The following BICC1 variants were observed in gnomAD, a reference collection of about 807,000 sequenced individuals.
The protein encoded by BICC1 is BicC family RNA binding protein 1.
A neutral mutation model predicts 111.0 loss-of-function variants in BICC1; 43 were observed. The ratio of observed to expected loss-of-function variants is 0.39; its 90% CI spans 0.30 to 0.50. The LOEUF (loss-of-function observed/expected upper bound fraction) is 0.50, where lower values mean the gene tolerates loss of function less well. Among genes scored for constraint, BICC1 ranks in the 20% least tolerant of loss-of-function variants. The probability of loss-of-function intolerance (pLI) is 0.88; values close to 1 mark genes in which losing one functional copy is unlikely to be tolerated. For missense variants in BICC1, 1,091 were observed against 1,203.2 expected (o/e 0.91, Z 1.38); for synonymous variants, 467 against 434.4 (o/e 1.07, Z -0.93).
Position 58,828,762 on chromosome 10 carries a change from A to C in BICC1, c.2796A>C (p.Glu932Asp). 1 of 1,613,384 alleles carries C rather than the reference A, an allele frequency of 6.2e-7. No homozygotes were observed. Among genetic ancestry groups the C allele is most frequent in the Non-Finnish European group, 8.5e-7 (1 of 1,179,566 alleles). Residue 932 changes from glutamate (E) to aspartate (D), a missense_variant and splice_region_variant, in exon 21 of 21, where the codon GAA becomes GAC. Physicochemically the swap from Glu to Asp is conservative, Grantham distance 45 (BLOSUM62 2). Transcript: ENST00000373886. Reference sequence around the variant, plus strand: ...ACAATTCTCTCTTTCTCTCTCTAGAACTAAATAAAAACCGAAGAAAGCTTT... The same window carrying C: ...ACAATTCTCTCTTTCTCTCTCTAGACCTAAATAAAAACCGAAGAAAGCTTT... ...ARRKMLLAISELNKNRRKLFE... is the reference protein window; with the variant it reads ...ARRKMLLAISDLNKNRRKLFE...
In BICC1 at chr10:58,741,112, G is replaced by A. The variant is rs374712638; in HGVS notation, c.307+38969G>A. Among the ~76,000 whole-genome samples the A allele has an allele frequency of 1.3e-4, 20 of 152,296 alleles. No homozygotes were observed. In the East Asian group the frequency reaches 3.7e-3, roughly 28 times the overall value. On this transcript the variant is annotated intron_variant, in intron 3 of 20. Coordinates refer to ENST00000373886, the MANE Select transcript of BICC1 (RefSeq NM_001080512.3). The stretch of plus-strand genomic sequence containing the variant: ...ATTTGTTCTTTACATAGAAGGCAGT[G>A]CTCACATTTGTATTTTAGATTTCTG...
chr10:58,789,557 G>C (rs576961494), intron 7 of BICC1, 101 bp downstream of exon 7: 4 of 1,508,752 alleles, frequency 2.7e-6, no homozygotes, highest in East Asian at 2.3e-5. Context: ...ATTTTCCTTC[G>C]TTCTACATTT....
At chr10:58,732,997 C>G (rs1031932167) in intron 3 of BICC1, among the ~76,000 whole-genome samples, 3 of 143,496 alleles carry the variant, frequency 2.1e-5, no homozygotes, top group Admixed American at 7.3e-5. Context: ...GCTTGATGCA[C>G]GATTTCCACA....
chr10:58,687,619 C>G (rs1352432534), intron 2 of BICC1, among the ~76,000 whole-genome samples: 4 of 152,222 alleles, frequency 2.6e-5, no homozygotes, highest in Non-Finnish European at 5.9e-5. Flanking sequence ...CGAGCTCAGA[C>G]TGCTGTGCTG....
intron 3 of BICC1, among the ~76,000 whole-genome samples, chr10:58,729,938 C>G (rs190065473): frequency 6.6e-6 from 1 of 152,122 alleles, no homozygotes; most frequent in South Asian, 2.1e-4. Flanking sequence ...AGATTTAAAC[C>G]ATATCTTTCT....
chr10:58,743,218 G>A (rs762347288), intron 3 of BICC1, among the ~76,000 whole-genome samples: 19 of 152,170 alleles, frequency 1.2e-4, no homozygotes, highest in Non-Finnish European at 2.1e-4. Context: ...ATATTTGGAC[G>A]TTGGCTTAAA....
At chr10:58,730,940 C>A (rs1046736598) in intron 3 of BICC1, among the ~76,000 whole-genome samples, 1 of 152,242 alleles carries the variant, frequency 6.6e-6, no homozygotes, top group East Asian at 1.9e-4. Flanking sequence ...TGCTTGAATT[C>A]CTCCTTTGAA....
intron 1 of BICC1, among the ~76,000 whole-genome samples, chr10:58,604,476 T>C (rs1020262366): frequency 1.3e-5 from 2 of 152,084 alleles, no homozygotes; most frequent in Admixed American, 6.5e-5. Context: ...AAGACCATCC[T>C]GATCCAACCC....
intron 20 of BICC1, among the ~76,000 whole-genome samples, chr10:58,824,768 T>A (rs914284641): frequency 6.6e-6 from 1 of 152,154 alleles, no homozygotes; most frequent in Admixed American, 6.6e-5. Context: ...AGTTACATAA[T>A]CCCTCTAATC....
chr10:58,643,671 A>G (rs1302576241), intron 2 of BICC1, among the ~76,000 whole-genome samples: 1 of 152,238 alleles, frequency 6.6e-6, no homozygotes, highest in Non-Finnish European at 1.5e-5. Context: ...TAAGTGTTGG[A>G]AAATAATTTG....
At chr10:58,768,944 A>T (rs925271467) in intron 3 of BICC1, among the ~76,000 whole-genome samples, 1 of 152,160 alleles carries the variant, frequency 6.6e-6, no homozygotes, top group African/African-American at 2.4e-5. Flanking sequence ...TCCACAATGG[A>T]ATGTTATTCA....
At position 58,807,084 on chromosome 10, in the gene BICC1, C is replaced by A. The variant is rs1303135144; in HGVS notation, c.2302C>A (p.Pro768Thr). 1 of 1,613,884 alleles carries A rather than the reference C, an allele frequency of 6.2e-7. No individual in the cohort carries two copies. Residue 768 changes from proline (P) to threonine (T), a missense_variant, in exon 17 of 21, where the codon CCA becomes ACA. Around this residue, in one of 3 missense-constraint regions of BICC1, gnomAD observed 231 missense variants for 256.2 expected, o/e 0.90. Transcript: ENST00000373886. ...TGGCCTGGGTTTTTCTAAATCCATG[C>A]CAGCTGAAACTATCAAGGAGTTGAG... ...WSGLGFSKSM[P>T]AETIKELRRA...
At chr10:58,755,329 G>A (rs933003544) in intron 3 of BICC1, among the ~76,000 whole-genome samples, 1 of 152,168 alleles carries the variant, frequency 6.6e-6, no homozygotes, top group African/African-American at 2.4e-5. Flanking sequence ...TTAGGGGAAA[G>A]GCTACAGCTT....
chr10:58,627,012 G>A (rs1219863025), intron 2 of BICC1, among the ~76,000 whole-genome samples: 1 of 152,090 alleles, frequency 6.6e-6, no homozygotes, highest in Non-Finnish European at 1.5e-5. Flanking sequence ...TGAGGCAGGA[G>A]AATCGCTTGA....
At position 58,753,141 on chromosome 10, in the gene BICC1, T is replaced by C. The variant is rs80039817; in HGVS notation, c.308-31860T>C. Among the ~76,000 whole-genome samples, 544 of 152,230 alleles carry C rather than the reference T, an allele frequency of 3.6e-3. 13 individuals carry two copies. In the East Asian group the frequency reaches 0.052, roughly 15 times the overall value. On this transcript the variant is annotated intron_variant, in intron 3 of 20. Coordinates refer to ENST00000373886, the MANE Select transcript of BICC1 (RefSeq NM_001080512.3). ...CAAAGTCAACTTAATATTTTTCTAT[T>C]TGATTTTACGTTGTTGTTGTTTTTG...
At chr10:58,625,460 GT>G (rs199878026) in intron 2 of BICC1, among the ~76,000 whole-genome samples, 2 of 151,232 alleles carry the variant, frequency 1.3e-5, no homozygotes, top group Admixed American at 6.6e-5. Flanking sequence ...TGAAAGCCAG[GT>G]TTTTTTTTGT....
chr10:58,801,661 G>A (rs1281484808), intron 14 of BICC1, among the ~76,000 whole-genome samples: 3 of 149,850 alleles, frequency 2.0e-5, no homozygotes, highest in East Asian at 3.9e-4. Flanking sequence ...CACCTATTCC[G>A]TCCACCTGAT....
At chr10:58,544,691 A>G (rs976474076) in intron 1 of BICC1, among the ~76,000 whole-genome samples, 4 of 152,212 alleles carry the variant, frequency 2.6e-5, no homozygotes, top group African/African-American at 9.6e-5. Flanking sequence ...TCAAGATAAT[A>G]TAACTATACT....
intron 8 of BICC1, among the ~76,000 whole-genome samples, 167 bp downstream of exon 8, chr10:58,790,100 C>A (rs1564615090): frequency 6.6e-6 from 1 of 152,178 alleles, no homozygotes; most frequent in East Asian, 1.9e-4. Flanking sequence ...TAATAAGGTT[C>A]ATAGTGCCTC....
Sources: gnomAD v4.1 joint callset for allele counts (sites outside exome capture counted in the v4.1 genomes callset) on GRCh38, gnomAD v4.1.1 for gene constraint, gnomAD v4.1.1 regional missense constraint, MANE v1.5 for transcripts, NCBI Gene and HGNC (gene_info 2026-07-23, HGNC 2026-07-21) for gene names.